The following KCNIP4 variants were observed in gnomAD, a reference collection of about 807,000 sequenced individuals.
KCNIP4 encodes the protein Kv channel-interacting protein 4.
A neutral mutation model predicts 34.0 loss-of-function variants in KCNIP4; 12 were observed. The observed-to-expected ratio is 0.35, with a 90% CI of 0.23 to 0.57. KCNIP4 has a LOEUF of 0.57. KCNIP4 is among the 20% of genes least tolerant of loss of function. The pLI, the probability that KCNIP4 is intolerant of heterozygous loss-of-function variation, is 0.83. For missense variants in KCNIP4, 238 were observed against 311.7 expected (o/e 0.76, Z 1.78); for synonymous variants, 124 against 102.2 (o/e 1.21, Z -1.29).
intron 1 of KCNIP4, among the ~76,000 whole-genome samples, chr4:21,765,674 C>T (rs1230662718): frequency 1.3e-5 from 2 of 150,906 alleles, no homozygotes; most frequent in African/African-American, 4.9e-5. Context: ...TTTTATTGCT[C>T]AGACTGGTCT....
intron 1 of KCNIP4, among the ~76,000 whole-genome samples, chr4:21,248,775 C>T (rs1760474500): frequency 6.6e-6 from 1 of 152,122 alleles, no homozygotes; most frequent in Non-Finnish European, 1.5e-5. Context: ...CTCCTTTATT[C>T]AAACATTACT....
rs1471471109 is a variant in KCNIP4, at chr4:21,238,787, A to G, written c.62-356078T>C. 1.3e-3 allele frequency among the ~76,000 whole-genome samples: 194 copies of G among 152,332 alleles called. 2 individuals are homozygous for G. Among genetic ancestry groups the G allele is most frequent in the Non-Finnish European group, 1.9e-4 (13 of 68,036 alleles). ...ATGGGTAGGAAGAATCAATATCATG[A>G]AAATGGCTATACTGCCCAAGGTAAT... On this transcript the variant is annotated intron_variant, in intron 1 of 8. Transcript: ENST00000382152.
intron 1 of KCNIP4, among the ~76,000 whole-genome samples, chr4:20,974,639 C>T (rs1396786783): frequency 6.6e-6 from 1 of 152,142 alleles, no homozygotes; most frequent in African/African-American, 2.4e-5. Context: ...TGAGTCCGTT[C>T]TGATGCTCTC....
At chr4:21,729,020 T>A (rs903435988) in intron 1 of KCNIP4, among the ~76,000 whole-genome samples, 5 of 152,190 alleles carry the variant, frequency 3.3e-5, no homozygotes, top group African/African-American at 1.2e-4. Context: ...TTCCTTGCAT[T>A]TATTTCTTGG....
rs368320108 is a variant in KCNIP4, at chr4:21,909,785, T to C, written c.61+38786A>G. 2.6e-4 allele frequency among the ~76,000 whole-genome samples: 40 copies of C among 152,050 alleles called. No homozygotes were observed. The South Asian group carries it at 8.3e-3, about 32-fold the overall frequency. On this transcript the variant is annotated intron_variant, in intron 1 of 8. Transcript: ENST00000382152. Reference sequence around the variant, plus strand: ...TCACAATCATGGTGGAAGGCAAAAGTCACATCTTACATGGCGACAGGCAAA... The same window carrying C: ...TCACAATCATGGTGGAAGGCAAAAGCCACATCTTACATGGCGACAGGCAAA...
chr4:21,456,554 C>T lies in KCNIP4; in HGVS notation c.61+492017G>A, dbSNP rs532229032. ...GTAATTATATCCATAAAGTCCAAGA[C>T]GTAGTGAACTTATTTCATAATTTAT... On this transcript the variant is annotated intron_variant, in intron 1 of 8. Coordinates refer to ENST00000382152, the MANE Select transcript of KCNIP4 (RefSeq NM_025221.6). Among the ~76,000 whole-genome samples the T allele has an allele frequency of 5.4e-5, 8 of 147,920 alleles. 1 individual carries two copies. Among genetic ancestry groups the T allele is most frequent in the South Asian group, 2.1e-4 (1 of 4,752 alleles).
chr4:21,088,100 G>A (rs1482556322), intron 1 of KCNIP4, among the ~76,000 whole-genome samples: 1 of 147,042 alleles, frequency 6.8e-6, no homozygotes, highest in Non-Finnish European at 1.5e-5. Flanking sequence ...AAAACCATAT[G>A]CCATTGTATC....
At chr4:21,642,829 C>T (rs1031398867) in intron 1 of KCNIP4, among the ~76,000 whole-genome samples, 1 of 151,864 alleles carries the variant, frequency 6.6e-6, no homozygotes, top group African/African-American at 2.4e-5. Context: ...ACCTGGTACT[C>T]TACAATGGAA....
At chr4:20,741,247 C>A (rs184397034) in intron 5 of KCNIP4, among the ~76,000 whole-genome samples, 1 of 152,174 alleles carries the variant, frequency 6.6e-6, no homozygotes, top group Non-Finnish European at 1.5e-5. Context: ...GAACTCTCCA[C>A]CCCAAATCAA....
At chr4:21,319,877 G>C (rs141683569) in intron 1 of KCNIP4, among the ~76,000 whole-genome samples, 1 of 152,102 alleles carries the variant, frequency 6.6e-6, no homozygotes, top group Admixed American at 6.6e-5. Flanking sequence ...TTAGCAGTAT[G>C]GAATAGAAAA....
At chr4:20,753,697 A>G (rs544916306) in intron 4 of KCNIP4, among the ~76,000 whole-genome samples, 1 of 152,314 alleles carries the variant, frequency 6.6e-6, no homozygotes, top group South Asian at 2.1e-4. Context: ...ATGTGTGAAT[A>G]GTAGCTTCTG....
At chr4:20,916,081 G>GA (rs568307188) in intron 1 of KCNIP4, among the ~76,000 whole-genome samples, 47 of 151,028 alleles carry the variant, frequency 3.1e-4, no homozygotes, top group African/African-American at 9.0e-4. Flanking sequence ...CAGCTTCAGA[G>GA]AAAAAAAAAT....
chr4:21,455,838 T>TAACTAATTTTTTACAGA (rs1560422979), intron 1 of KCNIP4, among the ~76,000 whole-genome samples: 10 of 114,886 alleles, frequency 8.7e-5, no homozygotes, highest in South Asian at 2.6e-4. Flanking sequence ...TATATATATA[T>TAACTAATTTTTTACAGA]ATATATATAT....
At chr4:21,460,165 A>C (rs981140631) in intron 1 of KCNIP4, among the ~76,000 whole-genome samples, 1 of 143,448 alleles carries the variant, frequency 7.0e-6, no homozygotes, top group African/African-American at 2.5e-5. Flanking sequence ...ATTCTGTTCC[A>C]GCTCTTTGCA....
At chr4:21,896,265 T>C (rs529824098) in intron 1 of KCNIP4, among the ~76,000 whole-genome samples, 1 of 152,276 alleles carries the variant, frequency 6.6e-6, no homozygotes, top group East Asian at 1.9e-4. Flanking sequence ...AGAAAAGACA[T>C]TGAACCCTAT....
intron 1 of KCNIP4, among the ~76,000 whole-genome samples, chr4:21,487,606 C>T (rs1312026855): frequency 1.3e-5 from 2 of 152,080 alleles, no homozygotes; most frequent in Non-Finnish European, 2.9e-5. Context: ...TTAGGAAATC[C>T]ACATTATCAG....
chr4:21,738,079 G>A (rs528934065), intron 1 of KCNIP4, among the ~76,000 whole-genome samples: 214 of 149,932 alleles, frequency 1.4e-3, no homozygotes, highest in African/African-American at 4.2e-3. Context: ...GCGACAGAGC[G>A]AGACTCCATC....
At chr4:21,133,014 GAAA>G (rs11342415) in intron 1 of KCNIP4, among the ~76,000 whole-genome samples, 15,594 of 145,886 alleles carry the variant, frequency 0.11, 1,091 homozygotes, top group African/African-American at 0.19. Flanking sequence ...CTCCATCTCA[GAAA>G]AAAAAAAAAA....
intron 1 of KCNIP4, among the ~76,000 whole-genome samples, chr4:20,935,739 C>T (rs565491428): frequency 4.6e-5 from 7 of 152,268 alleles, no homozygotes; most frequent in Admixed American, 1.3e-4. Flanking sequence ...GCTCTAATGA[C>T]TCAAAAGTCT....
Sources: gnomAD v4.1 joint callset for allele counts (sites outside exome capture counted in the v4.1 genomes callset) on GRCh38, gnomAD v4.1.1 for gene constraint, MANE v1.5 for transcripts, NCBI Gene and HGNC (gene_info 2026-07-23, HGNC 2026-07-21) for gene names.